RYR2: variants seen among roughly 807,000 people sequenced by gnomAD.
The protein encoded by RYR2 is cardiac muscle ryanodine receptor-calcium release channel.
RYR2 carries 227 observed loss-of-function variants against 601.1 expected under a neutral mutation model. That is an observed-to-expected ratio of 0.38 (90% CI 0.34 to 0.42). RYR2 has a LOEUF of 0.42. RYR2 is among the 10% of genes least tolerant of loss of function. The pLI, the probability that RYR2 is intolerant of heterozygous loss-of-function variation, is 1.00. For synonymous variants in RYR2, 2,223 were observed against 2,175.1 expected (o/e 1.02, Z -0.61); for missense variants, 4,646 against 6,156.5 (o/e 0.75, Z 8.21).
At chr1:237,388,229 T>C in intron 10 of RYR2, 46 bp downstream of exon 10, 1 of 1,514,030 alleles carries the variant, frequency 6.6e-7, no homozygotes, top group Non-Finnish European at 9.1e-7. Context: ...TCTTTTGCCT[T>C]GATGTAATGT....
At chr1:237,160,519 A>G (rs1393249969) in intron 1 of RYR2, among the ~76,000 whole-genome samples, 1 of 151,964 alleles carries the variant, frequency 6.6e-6, no homozygotes, top group Non-Finnish European at 1.5e-5. Context: ...TAGATTTAGA[A>G]CTAATGTCTG....
intron 12 of RYR2, among the ~76,000 whole-genome samples, chr1:237,427,519 G>A (rs189527773): frequency 1.9e-3 from 287 of 152,082 alleles, no homozygotes; most frequent in African/African-American, 4.3e-3. Context: ...GGCCAGGTGC[G>A]GTGGCTCACT....
intron 10 of RYR2, among the ~76,000 whole-genome samples, chr1:237,406,197 T>TCCCTTCCCTCCCCTC (rs1703871167): frequency 2.3e-5 from 1 of 43,980 alleles, no homozygotes; most frequent in Non-Finnish European, 3.8e-5. Flanking sequence ...CCCCTTCCCT[T>TCCCTTCCCTCCCCTC]CCCTCCCCTC....
intron 4 of RYR2, 58 bp downstream of exon 4, chr1:237,356,043 C>T (rs1208456128): frequency 1.9e-5 from 28 of 1,482,330 alleles, no homozygotes; most frequent in African/African-American, 5.5e-5. Context: ...TGCTTGCTCT[C>T]GCCTCTAATC....
chr1:237,663,587 T>C lies in RYR2; in HGVS notation c.8436+2640T>C, dbSNP rs191187088. On this transcript the variant is annotated intron_variant, in intron 56 of 104. Transcript: ENST00000366574. ...GAGCTTGGGTAAACTGGTTAACCTC[T>C]GTATGCTGCAGTTTTCTCATTTTTA... 3.0e-3 allele frequency among the ~76,000 whole-genome samples: 450 copies of C among 152,340 alleles called. 1 individual carries two copies. Among genetic ancestry groups the C allele is most frequent in the African/African-American group, 0.01 (426 of 41,572 alleles).
intron 1 of RYR2, among the ~76,000 whole-genome samples, chr1:237,155,421 C>T (rs1675215794): frequency 6.6e-6 from 1 of 151,860 alleles, no homozygotes; most frequent in South Asian, 2.1e-4. Context: ...TGTGATCCAC[C>T]CACCTCCACC....
chr1:237,470,673 G>A (rs1660618843), intron 17 of RYR2, among the ~76,000 whole-genome samples: 1 of 152,206 alleles, frequency 6.6e-6, no homozygotes, highest in African/African-American at 2.4e-5. Flanking sequence ...GCATAAAGAA[G>A]TGACCAAATA....
At chr1:237,633,540 G>A (rs758225453) in intron 42 of RYR2, 38 bp from the exon 43 acceptor site, 79 of 1,612,228 alleles carry the variant, frequency 4.9e-5, no homozygotes, top group Non-Finnish European at 5.2e-5. Context: ...TATAAAGGTC[G>A]TTTGCTTTCA....
intron 1 of RYR2, among the ~76,000 whole-genome samples, chr1:237,199,059 G>T (rs1226734316): frequency 1.3e-5 from 2 of 152,112 alleles, no homozygotes; most frequent in African/African-American, 2.4e-5. Context: ...TTCAAAGGTG[G>T]TTCCTTGCCG....
At chr1:237,382,753 AAAAG>A (rs1701637723) in intron 8 of RYR2, among the ~76,000 whole-genome samples, 1 of 152,152 alleles carries the variant, frequency 6.6e-6, no homozygotes, top group Non-Finnish European at 1.5e-5. Flanking sequence ...AAATAATGAT[AAAAG>A]AGTGATCATA....
chr1:237,504,775 A>G (rs1665040495), intron 22 of RYR2, among the ~76,000 whole-genome samples: 1 of 152,158 alleles, frequency 6.6e-6, no homozygotes, highest in East Asian at 1.9e-4. Flanking sequence ...TTAAGCCCCC[A>G]ACCTTTTTGG....
chr1:237,827,931 C>T (rs1331577129), intron 101 of RYR2, among the ~76,000 whole-genome samples: 17 of 106,004 alleles, frequency 1.6e-4, no homozygotes, highest in African/African-American at 4.8e-4. Context: ...AATGAGACTC[C>T]GTCTCAAAAA....
intron 3 of RYR2, among the ~76,000 whole-genome samples, chr1:237,332,229 T>G (rs1216457553): frequency 6.6e-6 from 1 of 152,172 alleles, no homozygotes; most frequent in Admixed American, 6.5e-5. Context: ...CCTTGTAGTT[T>G]TTAAAATTTT....
chr1:237,627,119 G>A (rs187975466), intron 40 of RYR2, among the ~76,000 whole-genome samples: 1 of 152,018 alleles, frequency 6.6e-6, no homozygotes, highest in African/African-American at 2.4e-5. Context: ...TGCATAAATT[G>A]GTCACCCCAC....
intron 60 of RYR2, among the ~76,000 whole-genome samples, chr1:237,675,619 T>C (rs2148915271): frequency 6.6e-6 from 1 of 152,308 alleles, no homozygotes; most frequent in Admixed American, 6.5e-5. Flanking sequence ...CGTTTTCTCT[T>C]TGTTTTTAAC....
Position 237,591,181 on chromosome 1 carries a change from TTCTCCTCCTCCCCCTTCTCCTCCTCCC to T in RYR2, c.4160+190_4160+216del, listed in dbSNP as rs1249619017. ...CTCTTCCCCCTTCTCCTCCTCCCCCTTCTCCTCCTCCCCCTTCTCCTCCTCCCCCTTCTCCTCCTCCCCCTTCTCCTC... is the reference window on the plus strand; with the variant it reads ...CTCTTCCCCCTTCTCCTCCTCCCCCTCCTTCTCCTCCTCCCCCTTCTCCTC... On this transcript the variant is annotated intron_variant, in intron 31 of 104. Transcript: ENST00000366574. 2.3e-3 allele frequency among the ~76,000 whole-genome samples: 11 copies of T among 4,880 alleles called. 1 individual carries two copies. The highest frequency in any genetic ancestry group is 0.02 in the Admixed American group (6 of 304). The allele number at this position is 4,880 out of a possible 152,430, so 3.2% of individuals were successfully genotyped here.
intron 80 of RYR2, among the ~76,000 whole-genome samples, chr1:237,750,712 A>G (rs900245478): frequency 5.9e-5 from 9 of 152,132 alleles, no homozygotes; most frequent in African/African-American, 1.9e-4. Context: ...AATGTCCTCA[A>G]CAATTCAGTT....
intron 1 of RYR2, among the ~76,000 whole-genome samples, chr1:237,232,380 G>A (rs1425260890): frequency 2.0e-5 from 3 of 152,052 alleles, no homozygotes; most frequent in African/African-American, 7.2e-5. Flanking sequence ...AAAGGACAAG[G>A]TTCAGACAGT....
intron 89 of RYR2, among the ~76,000 whole-genome samples, chr1:237,782,985 TTA>T (rs1425348137): frequency 1.3e-5 from 2 of 152,198 alleles, no homozygotes; most frequent in African/African-American, 4.8e-5. Flanking sequence ...CTGCCTGTCT[TTA>T]TGATATATAG....
Sources: gnomAD v4.1 joint callset for allele counts (sites outside exome capture counted in the v4.1 genomes callset) on GRCh38, gnomAD v4.1.1 for gene constraint, MANE v1.5 for transcripts, NCBI Gene and HGNC (gene_info 2026-07-23, HGNC 2026-07-21) for gene names.